VAPB: variants seen among roughly 807,000 people sequenced by gnomAD.
VAPB encodes vesicle-associated membrane protein-associated protein B/C.
A neutral mutation model predicts 25.6 loss-of-function variants in VAPB; 7 were observed. The ratio of observed to expected loss-of-function variants is 0.27; its 90% confidence interval spans 0.16 to 0.51. VAPB has a LOEUF of 0.51. Among genes scored for constraint, VAPB ranks in the 20% least tolerant of loss-of-function variants. The pLI is 0.97. For synonymous variants in VAPB, 112 were observed against 109.2 expected, an observed-to-expected ratio of 1.03 and a Z score of -0.16; for missense variants, 266 against 301.3, an observed-to-expected ratio of 0.88 and a Z score of 0.87.
intron 2 of VAPB, chr20:58,431,634 T>C (rs1386628438): frequency 1.3e-5 from 2 of 151,938 alleles, no homozygotes; most frequent in African/African-American, 2.4e-5. Flanking sequence ...TCAGTGGTGC[T>C]ATCATAGCTC....
rs893590550 is a variant in VAPB, at chr20:58,448,327, G to A, written c.*4092G>A. On this transcript the variant is annotated 3_prime_UTR_variant, in exon 6 of 6. Transcript: ENST00000475243. ...TGTGGCCTAATTGGATTTGGAGAAC[G>A]CCTTCCCTGGCCCCTTTTCCTCAGA... 2.4e-5 allele frequency: 11 copies of A among 453,422 alleles called. No homozygotes were observed. Among genetic ancestry groups the A allele is most frequent in the Middle Eastern group, 6.8e-4 (1 of 1,466 alleles). 28.1% of individuals were successfully genotyped at this position (453,422 alleles called of 1,614,324 possible). A position where few individuals can be genotyped will look rare whatever the true frequency, so the allele number is the denominator to read the frequency against.
chr20:58,393,260 G>A (rs1328920011), intron 1 of VAPB, among the ~76,000 whole-genome samples: 1 of 152,046 alleles, frequency 6.6e-6, no homozygotes, highest in Non-Finnish European at 1.5e-5. Flanking sequence ...TGAATTCCTG[G>A]CCTCAAGCAG....
rs779915707 is a variant in VAPB at position 58,450,831 on chromosome 20, AT to A, written c.*6599del. 11 of 454,108 alleles carry A rather than the reference AT, an allele frequency of 2.4e-5. No individual in the cohort carries two copies. Among genetic ancestry groups the A allele is most frequent in the South Asian group, 1.7e-4 (11 of 64,470 alleles). 28.1% of individuals were successfully genotyped at this position (454,108 alleles called of 1,614,324 possible). A position where few individuals can be genotyped will look rare whatever the true frequency, so the allele number is the denominator to read the frequency against. ...TATTTGCTGTTTTGACATGGAAGTA[AT>A]TTAAAAAGTTGGTGCAGGAAAGGAC... On this transcript the variant is annotated 3_prime_UTR_variant, in exon 6 of 6. Coordinates refer to ENST00000475243, the MANE Select transcript of VAPB (RefSeq NM_004738.5).
chr20:58,441,779 T>C (rs1989167717), intron 5 of VAPB, among the ~76,000 whole-genome samples: 2 of 152,206 alleles, frequency 1.3e-5, no homozygotes, highest in East Asian at 3.8e-4. Flanking sequence ...TTTCAGAGAG[T>C]GAATACTGAC....
intron 1 of VAPB, among the ~76,000 whole-genome samples, chr20:58,401,503 C>T (rs901204902): frequency 6.6e-6 from 1 of 152,148 alleles, no homozygotes; most frequent in East Asian, 1.9e-4. Context: ...CCATTTGACC[C>T]CTGTTGTCAT....
intron 2 of VAPB, among the ~76,000 whole-genome samples, chr20:58,426,409 T>C (rs1270886316): frequency 6.6e-6 from 1 of 152,002 alleles, no homozygotes; most frequent in Non-Finnish European, 1.5e-5. Flanking sequence ...GAAGATGGGG[T>C]ATATTGACAT....
chr20:58,416,993 A>G (rs905880734), intron 1 of VAPB, among the ~76,000 whole-genome samples: 1 of 152,236 alleles, frequency 6.6e-6, no homozygotes, highest in African/African-American at 2.4e-5. Context: ...ACACATTTGA[A>G]TGATTTTGTT....
Position 58,450,060 on chromosome 20 carries a change from T to C in VAPB, c.*5825T>C, listed in dbSNP as rs2123115633. The C allele has an allele frequency of 2.2e-6, 1 of 453,926 alleles. No homozygotes were observed. Among genetic ancestry groups the C allele is most frequent in the East Asian group, 7.0e-5 (1 of 14,374 alleles). 28.1% of individuals were successfully genotyped at this position (453,926 alleles called of 1,614,324 possible). A position where few individuals can be genotyped will look rare whatever the true frequency, so the allele number is the denominator to read the frequency against. ...AGGGTTTAAGAAGATGAGAAATGAG[T>C]GTGCACGTTTCACACGTTGACTTGC... On this transcript the variant is annotated 3_prime_UTR_variant, in exon 6 of 6. Coordinates refer to ENST00000475243, the MANE Select transcript of VAPB (RefSeq NM_004738.5).
At chr20:58,429,823 A>G (rs75002758) in intron 2 of VAPB, among the ~76,000 whole-genome samples, 8,648 of 152,232 alleles carry the variant, frequency 0.057, 386 homozygotes, top group Non-Finnish European at 0.085. Context: ...TTATTTAACT[A>G]TATTTTTACC....
chr20:58,403,407 A>G (rs1988147523), intron 1 of VAPB, among the ~76,000 whole-genome samples: 1 of 152,166 alleles, frequency 6.6e-6, no homozygotes, highest in Non-Finnish European at 1.5e-5. Flanking sequence ...TGTTTTCTAG[A>G]TCTTCCCCGC....
At chr20:58,395,679 A>G (rs1483713310) in intron 1 of VAPB, among the ~76,000 whole-genome samples, 1 of 152,208 alleles carries the variant, frequency 6.6e-6, no homozygotes, top group East Asian at 1.9e-4. Context: ...AAGTTGCATT[A>G]TGGTTTCCAG....
intron 2 of VAPB, among the ~76,000 whole-genome samples, chr20:58,418,568 T>C (rs1473292533): frequency 1.4e-5 from 2 of 145,732 alleles, no homozygotes; most frequent in African/African-American, 5.0e-5. Context: ...TCATAATTAA[T>C]GCCTCCTTGT....
chr20:58,410,582 A>G (rs1260028240), intron 1 of VAPB, among the ~76,000 whole-genome samples: 5 of 151,662 alleles, frequency 3.3e-5, no homozygotes, highest in African/African-American at 1.2e-4. Context: ...ACACCTAGCC[A>G]ATTTTTGTAG....
intron 2 of VAPB, among the ~76,000 whole-genome samples, chr20:58,421,982 A>G (rs114530585): frequency 6.6e-6 from 1 of 152,172 alleles, no homozygotes; most frequent in Non-Finnish European, 1.5e-5. Context: ...ACGGCAGATC[A>G]CTTATTGGGT....
intron 5 of VAPB, among the ~76,000 whole-genome samples, 166 bp downstream of exon 5, chr20:58,441,249 C>G (rs978462920): frequency 6.6e-6 from 1 of 151,884 alleles, no homozygotes; most frequent in African/African-American, 2.4e-5. Context: ...ATGAGAGTCT[C>G]AAAAGGGTCC....
chr20:58,445,705 TGTGTGTGTGTGTGTGTA>T lies in VAPB; in HGVS notation c.*1471_*1487del, dbSNP rs1381983973. The T allele has an allele frequency of 3.1e-5, 14 of 448,520 alleles. No individual in the cohort carries two copies. The East Asian group carries it at 4.2e-4, about 14-fold the overall frequency. 27.8% of individuals were successfully genotyped at this position (448,520 alleles called of 1,614,324 possible). On this transcript the variant is annotated 3_prime_UTR_variant, in exon 6 of 6. Transcript: ENST00000475243. ...AACTCTGTGTGTGTGTGTGTGTGTG[TGTGTGTGTGTGTGTGTA>T]TTTTTTTTTTGGTTGTCTTCAGCTG...
At chr20:58,439,873 A>G (rs1283697005) in intron 4 of VAPB, 1 of 152,230 alleles carries the variant, frequency 6.6e-6, no homozygotes, top group Non-Finnish European at 1.5e-5. Context: ...TTTAATTTTT[A>G]TAAAAACACC....
chr20:58,417,248 A>G (rs1342392518), intron 1 of VAPB, among the ~76,000 whole-genome samples: 1 of 152,222 alleles, frequency 6.6e-6, no homozygotes, highest in East Asian at 1.9e-4. Flanking sequence ...TAAATGAAAA[A>G]AAGCAAGTTT....
At position 58,450,909 on chromosome 20, in the gene VAPB, G is replaced by C. The variant is rs763827435; in HGVS notation, c.*6674G>C. 4.8e-5 allele frequency: 22 copies of C among 453,982 alleles called. 1 individual carries two copies. The highest frequency in any genetic ancestry group is 3.3e-4 in the South Asian group (21 of 64,456). The allele number at this position is 453,982 out of a possible 1,614,324, so 28.1% of individuals were successfully genotyped here. On this transcript the variant is annotated 3_prime_UTR_variant, in exon 6 of 6. Coordinates refer to ENST00000475243, the MANE Select transcript of VAPB (RefSeq NM_004738.5). ...CTGATATGTAATAAATTCATGGCTT[G>C]GCAGCTGACATGATGTTTCCCAGAG... is the stretch of plus-strand genomic sequence containing the variant.
Sources: gnomAD v4.1 joint callset for allele counts (sites outside exome capture counted in the v4.1 genomes callset) on GRCh38, gnomAD v4.1.1 for gene constraint, MANE v1.5 for transcripts, NCBI Gene and HGNC (gene_info 2026-07-23, HGNC 2026-07-21) for gene names.